The following REV1 variants were observed in gnomAD, a reference collection of about 807,000 sequenced individuals.
The protein encoded by REV1 is REV1 DNA directed polymerase, also known as translesion synthesis protein REV1.
REV1 carries 42 observed loss-of-function variants against 137.4 expected under a neutral mutation model. That is an observed-to-expected ratio of 0.31 (90% confidence interval 0.24 to 0.40). The LOEUF is 0.40. Ranked by LOEUF, REV1 falls within the 10% of genes least tolerant of loss-of-function variation. The pLI, the probability that REV1 is intolerant of heterozygous loss-of-function variation, is 1.00. For missense variants in REV1, 1,282 were observed against 1,490.1 expected (o/e 0.86, Z 2.30); for synonymous variants, 524 against 519.2 (o/e 1.01, Z -0.12).
chr2:99,480,073 C>G (rs1477771617), intron 1 of REV1, among the ~76,000 whole-genome samples: 1 of 152,160 alleles, frequency 6.6e-6, no homozygotes, highest in Non-Finnish European at 1.5e-5. Context: ...TATCTCAGCA[C>G]TTTGCGGGGT....
At chr2:99,426,087 T>C (rs897897590) in intron 9 of REV1, among the ~76,000 whole-genome samples, 1 of 151,630 alleles carries the variant, frequency 6.6e-6, no homozygotes, top group Admixed American at 6.6e-5. Context: ...GGTACACATC[T>C]GTAATCCCAG....
chr2:99,406,030 A>G lies in REV1; in HGVS notation c.2691T>C (p.His897=). 6.2e-7 allele frequency: 1 copy of G among 1,614,080 alleles called. No homozygotes were observed. Among genetic ancestry groups the G allele is most frequent in the Non-Finnish European group, 8.5e-7 (1 of 1,179,982 alleles). ...TGTTAGTATCAGGACTGGTCGGCAG[A>G]TGTGCAGGAAAAGGTGGCAAGAAAG... ...TCTFLPPFPA[H]LPTSPDTNKA... is the part of the protein sequence containing the mutation. Residue 897 remains histidine, a synonymous_variant, in exon 17 of 23, where the codon CAT becomes CAC. Transcript: ENST00000258428.
Position 99,402,929 on chromosome 2 carries a change from C to T in REV1, c.3344G>A (p.Gly1115Glu). Residue 1115 changes from glycine (G) to glutamate (E), a missense_variant, in exon 20 of 23, where the codon GGG becomes GAG. By Grantham distance (98) the Gly-to-Glu change is moderately conservative. Coordinates refer to ENST00000258428, the MANE Select transcript of REV1 (RefSeq NM_016316.4). ...AGGAGGTCCTTCATGTTTTAGAAAC[C>T]CATCAATTAACTTCTGGGGACTGCC... ...ACGSPQKLID[G>E]FLKHEGPPAE... 1 of 1,614,066 alleles carries T rather than the reference C, an allele frequency of 6.2e-7. No individual in the cohort carries two copies. Among genetic ancestry groups the T allele is most frequent in the Non-Finnish European group, 8.5e-7 (1 of 1,180,006 alleles).
intron 5 of REV1, among the ~76,000 whole-genome samples, chr2:99,440,214 C>T (rs976460766): frequency 6.6e-6 from 1 of 152,182 alleles, no homozygotes; most frequent in Admixed American, 6.5e-5. Context: ...TTTAGAAATG[C>T]ATTCACGAGA....
chr2:99,409,081 C>G (rs1449414981), intron 14 of REV1, among the ~76,000 whole-genome samples: 2 of 152,096 alleles, frequency 1.3e-5, no homozygotes, highest in Non-Finnish European at 2.9e-5. Context: ...TCAAGGCCAG[C>G]CTGGGCAACA....
intron 9 of REV1, chr2:99,424,708 T>C: frequency 7.9e-7 from 1 of 1,258,062 alleles, no homozygotes; most frequent in Non-Finnish European, 1.0e-6. Flanking sequence ...ACAAAGAATA[T>C]AAACAAAAGA....
At chr2:99,446,782 C>T (rs1445837988) in intron 4 of REV1, among the ~76,000 whole-genome samples, 5 of 152,090 alleles carry the variant, frequency 3.3e-5, no homozygotes, top group African/African-American at 9.7e-5. Context: ...CATGAGCTAT[C>T]GCACCCGGCC....
intron 15 of REV1, 116 bp downstream of exon 15, chr2:99,407,913 C>T (rs188580248): frequency 2.0e-6 from 1 of 500,838 alleles, no homozygotes; most frequent in African/African-American, 2.0e-5. Context: ...TACAAAGCAG[C>T]TAAAGACCTA....
intron 18 of REV1, 110 bp downstream of exon 18, chr2:99,404,334 T>A: frequency 2.0e-5 from 10 of 489,514 alleles, no homozygotes; most frequent in East Asian, 5.8e-5. Flanking sequence ...CCCTCCCCAG[T>A]GGATGTGGTG....
intron 1 of REV1, among the ~76,000 whole-genome samples, chr2:99,476,815 T>A (rs908721864): frequency 1.3e-5 from 2 of 152,184 alleles, no homozygotes; most frequent in African/African-American, 4.8e-5. Context: ...CCATGAGTAG[T>A]GTCACACATC....
intron 5 of REV1, among the ~76,000 whole-genome samples, chr2:99,441,027 G>A (rs1451245): frequency 0.16 from 23,567 of 152,034 alleles, 1,992 homozygotes; most frequent in East Asian, 0.26. Context: ...AAATCTAAAA[G>A]GTAATTTCTT....
intron 1 of REV1, among the ~76,000 whole-genome samples, chr2:99,485,186 T>C (rs1034182603): frequency 1.3e-5 from 2 of 152,218 alleles, no homozygotes; most frequent in Non-Finnish European, 2.9e-5. Flanking sequence ...AAATAACTGG[T>C]ATTATGCAAG....
At chr2:99,487,118 T>C (rs1437195610) in intron 1 of REV1, among the ~76,000 whole-genome samples, 1 of 152,152 alleles carries the variant, frequency 6.6e-6, no homozygotes, top group Non-Finnish European at 1.5e-5. Context: ...GCTAAAAGAA[T>C]AGTAAGTATA....
intron 14 of REV1, 93 bp from the exon 15 acceptor site, chr2:99,408,224 A>G: frequency 1.6e-6 from 1 of 636,236 alleles, no homozygotes; most frequent in South Asian, 3.3e-5. Flanking sequence ...AGTTATAGAA[A>G]AGTTGTAAAC....
intron 2 of REV1, 49 bp from the exon 3 acceptor site, chr2:99,462,671 C>T: frequency 6.4e-7 from 1 of 1,568,002 alleles, no homozygotes; most frequent in Non-Finnish European, 8.6e-7. Flanking sequence ...CATTTTCTCC[C>T]CCCTTTTTTG....
At chr2:99,447,709 G>A (rs1682397019) in intron 4 of REV1, among the ~76,000 whole-genome samples, 1 of 151,718 alleles carries the variant, frequency 6.6e-6, no homozygotes, top group African/African-American at 2.4e-5. Flanking sequence ...CTGAGTGACT[G>A]CATAAAGTTT....
At chr2:99,455,366 C>A (rs1683419264) in intron 3 of REV1, among the ~76,000 whole-genome samples, 2 of 152,194 alleles carry the variant, frequency 1.3e-5, no homozygotes, top group South Asian at 2.1e-4. Flanking sequence ...GTTTCTGCAG[C>A]AGCAATACTA....
chr2:99,467,979 G>A (rs1402608349), intron 1 of REV1, among the ~76,000 whole-genome samples: 1 of 152,154 alleles, frequency 6.6e-6, no homozygotes, highest in African/African-American at 2.4e-5. Context: ...CGGGGAGTTT[G>A]AGACCAGCCT....
intron 8 of REV1, chr2:99,431,601 G>A (rs1485912556): frequency 4.9e-6 from 2 of 409,342 alleles, no homozygotes; most frequent in South Asian, 1.0e-4. Context: ...GTATCTGAAG[G>A]GCTAGTTATC....
Sources: gnomAD v4.1 joint callset for allele counts (sites outside exome capture counted in the v4.1 genomes callset) on GRCh38, gnomAD v4.1.1 for gene constraint, MANE v1.5 for transcripts, NCBI Gene and HGNC (gene_info 2026-07-23, HGNC 2026-07-21) for gene names.